The following NME7 variants were observed in gnomAD, a reference collection of about 807,000 sequenced individuals.
NME7 encodes NME/NM23 family member 7, also known as nucleoside diphosphate kinase 7.
Under a neutral mutation model 49.1 loss-of-function variants are expected in NME7, and 41 were observed. That is an observed-to-expected ratio of 0.83 (90% CI 0.65 to 1.08). NME7 has a LOEUF of 1.08. Ranked by LOEUF, NME7 falls within the 50% of genes least tolerant of loss-of-function variation. NME7 has a pLI of 0.00. For synonymous variants in NME7, 139 were observed against 150.6 expected (o/e 0.92, Z 0.56); for missense variants, 423 against 463.4 (o/e 0.91, Z 0.80).
chr1:169,343,055 G>C (rs1294303434), intron 1 of NME7, among the ~76,000 whole-genome samples: 1 of 147,364 alleles, frequency 6.8e-6, no homozygotes, highest in Non-Finnish European at 1.5e-5. Flanking sequence ...CTAGGACTCA[G>C]AATGATCCTT....
intron 11 of NME7, among the ~76,000 whole-genome samples, chr1:169,160,519 T>C (rs1659213381): frequency 6.6e-6 from 1 of 152,082 alleles, no homozygotes; most frequent in Non-Finnish European, 1.5e-5. Flanking sequence ...ATAGTATATA[T>C]TATATAATAC....
intron 4 of NME7, 24 bp from the exon 5 acceptor site, chr1:169,303,219 T>C: frequency 3.2e-6 from 4 of 1,236,722 alleles, no homozygotes; most frequent in Non-Finnish European, 3.4e-6. Context: ...AAAAAGGCAA[T>C]AGTTAAGAAT....
intron 6 of NME7, among the ~76,000 whole-genome samples, chr1:169,289,977 C>T (rs188205401): frequency 7.6e-4 from 115 of 151,966 alleles, no homozygotes; most frequent in African/African-American, 2.7e-3. Context: ...TTACTCTTGG[C>T]CTTTTACATT....
chr1:169,178,568 G>A (rs775414191), intron 10 of NME7, among the ~76,000 whole-genome samples: 1 of 152,060 alleles, frequency 6.6e-6, no homozygotes, highest in Non-Finnish European at 1.5e-5. Flanking sequence ...AGAAACTTAA[G>A]TTCGTAAATA....
At position 169,263,692 on chromosome 1, in the gene NME7, T is replaced by C. The variant is rs1023858324; in HGVS notation, c.754+23611A>G. On this transcript the variant is annotated intron_variant, in intron 7 of 11. Transcript: ENST00000367811. ...TTGAAAAACATATTTCAGGATATCA[T>C]CCATGAGAATTTCCTCAACCTAGCT... 1.5e-5 allele frequency among the ~76,000 whole-genome samples: 2 copies of C among 133,544 alleles called. 1 individual carries two copies. The highest frequency in any genetic ancestry group is 5.1e-5 in the African/African-American group (2 of 39,538). The allele number at this position is 133,544 out of a possible 152,430, so 87.6% of individuals were successfully genotyped here.
chr1:169,341,933 G>T (rs764615062), intron 1 of NME7, among the ~76,000 whole-genome samples: 1 of 152,086 alleles, frequency 6.6e-6, no homozygotes, highest in Non-Finnish European at 1.5e-5. Flanking sequence ...GATTTTATAG[G>T]CTCACAGGTA....
chr1:169,268,161 C>G (rs554784930), intron 7 of NME7, among the ~76,000 whole-genome samples: 2 of 133,492 alleles, frequency 1.5e-5, no homozygotes, highest in East Asian at 4.0e-4. Context: ...AAAGAAGACA[C>G]ACATGCAGCC....
chr1:169,149,657 G>A (rs892566504), intron 11 of NME7, among the ~76,000 whole-genome samples: 4 of 152,172 alleles, frequency 2.6e-5, no homozygotes, highest in African/African-American at 9.7e-5. Context: ...CAGTTATGTT[G>A]TGAATGTGGT....
chr1:169,157,162 C>T (rs1659101232), intron 11 of NME7, among the ~76,000 whole-genome samples: 2 of 152,152 alleles, frequency 1.3e-5, no homozygotes, highest in South Asian at 4.1e-4. Flanking sequence ...GGCTCACTCT[C>T]ATCAGGTCAT....
intron 10 of NME7, among the ~76,000 whole-genome samples, chr1:169,176,973 T>C (rs1202793725): frequency 1.3e-5 from 2 of 152,166 alleles, no homozygotes; most frequent in African/African-American, 2.4e-5. Context: ...TAACCTTTAA[T>C]GTATACTCAC....
intron 3 of NME7, among the ~76,000 whole-genome samples, chr1:169,315,944 G>C (rs556068805): frequency 6.6e-6 from 1 of 151,898 alleles, no homozygotes; most frequent in Non-Finnish European, 1.5e-5. Context: ...TAGCAGAAAA[G>C]GGGAATAAAG....
chr1:169,193,359 T>C (rs1329524385), intron 10 of NME7, among the ~76,000 whole-genome samples: 2 of 152,114 alleles, frequency 1.3e-5, no homozygotes, highest in Non-Finnish European at 2.9e-5. Flanking sequence ...TAAAACGCCT[T>C]AGTAATTACA....
At chr1:169,141,883 T>G (rs1658606747) in intron 11 of NME7, among the ~76,000 whole-genome samples, 1 of 152,160 alleles carries the variant, frequency 6.6e-6, no homozygotes, top group Non-Finnish European at 1.5e-5. Flanking sequence ...CACTTAAAAT[T>G]GGAAAGAAAT....
intron 10 of NME7, among the ~76,000 whole-genome samples, chr1:169,191,414 G>A (rs3766066): frequency 2.0e-5 from 3 of 151,960 alleles, no homozygotes; most frequent in Non-Finnish European, 4.4e-5. Context: ...TTATACTGAG[G>A]ATATGCGTAA....
chr1:169,269,160 A>T lies in NME7; in HGVS notation c.754+18143T>A, dbSNP rs1274356919. Among the ~76,000 whole-genome samples the T allele has an allele frequency of 2.3e-5, 3 of 133,238 alleles. 1 individual carries two copies. The highest frequency in any genetic ancestry group is 3.5e-5 in the Non-Finnish European group (2 of 56,752). 87.4% of individuals were successfully genotyped at this position (133,238 alleles called of 152,430 possible). On this transcript the variant is annotated intron_variant, in intron 7 of 11. Coordinates refer to ENST00000367811, the MANE Select transcript of NME7 (RefSeq NM_013330.5). Reference sequence around the variant, plus strand: ...CTCTTGAGATTCCTTCTAAATCAATAAATCACCAGTTTTATTTAAAGTCCC... The same window carrying T: ...CTCTTGAGATTCCTTCTAAATCAATTAATCACCAGTTTTATTTAAAGTCCC...
chr1:169,167,819 CAT>C (rs1264349903), intron 11 of NME7, among the ~76,000 whole-genome samples: 2 of 152,192 alleles, frequency 1.3e-5, no homozygotes, highest in South Asian at 2.1e-4. Flanking sequence ...TTATACAACA[CAT>C]GTGTCATGGT....
chr1:169,283,920 G>A (rs1650151481), intron 7 of NME7: 1 of 152,076 alleles, frequency 6.6e-6, no homozygotes, highest in South Asian at 2.1e-4. Context: ...TAATGATTAT[G>A]TGTCTTGGGG....
Position 169,287,302 on chromosome 1 carries a change from C to A in NME7, c.754+1G>T. ...TACTGAATATAGTGTATTCAACATA[C>A]CTTCACTGACAGCATGGGGTTTAAC... On this transcript the variant is annotated splice_donor_variant, in intron 7 of 11. Coordinates refer to ENST00000367811, the MANE Select transcript of NME7 (RefSeq NM_013330.5). LOFTEE classifies it high-confidence loss of function. The A allele has an allele frequency of 6.2e-7, 1 of 1,606,160 alleles. No homozygotes were observed. The highest frequency in any genetic ancestry group is 8.5e-7 in the Non-Finnish European group (1 of 1,173,858).
At chr1:169,236,719 C>G (rs965982793) in intron 8 of NME7, among the ~76,000 whole-genome samples, 5 of 68,552 alleles carry the variant, frequency 7.3e-5, no homozygotes, top group African/African-American at 5.3e-4. Flanking sequence ...TAAACTATTT[C>G]CCTTTTTTTT....
Sources: allele counts gnomAD v4.1 joint callset (sites outside exome capture counted in the v4.1 genomes callset), GRCh38; gene constraint gnomAD v4.1.1; transcripts MANE v1.5; gene names NCBI Gene and HGNC (gene_info 2026-07-23, HGNC 2026-07-21).